The following DNAH12 variants were observed in gnomAD, a reference collection of about 807,000 sequenced individuals.
DNAH12 encodes the protein dynein axonemal heavy chain 12.
DNAH12 carries 285 observed loss-of-function variants against 371.5 expected under a neutral mutation model. The ratio of observed to expected loss-of-function variants is 0.77; its 90% CI spans 0.70 to 0.85. The LOEUF is 0.85. Ranked by LOEUF, DNAH12 falls within the 40% of genes least tolerant of loss-of-function variation. DNAH12 has a pLI of 0.00. For synonymous variants in DNAH12, 1,200 were observed against 1,213.0 expected, an observed-to-expected ratio of 0.99 and a Z score of 0.22; for missense variants, 3,611 against 3,689.4, an observed-to-expected ratio of 0.98 and a Z score of 0.55.
chr3:57,534,836 T>A (rs1559760176), intron 2 of DNAH12, among the ~76,000 whole-genome samples: 2 of 152,118 alleles, frequency 1.3e-5, no homozygotes, highest in Non-Finnish European at 2.9e-5. Context: ...AGAAACAAAT[T>A]TCTTATATTG....
At chr3:57,505,961 G>A (rs2067743690) in intron 8 of DNAH12, among the ~76,000 whole-genome samples, 1 of 151,496 alleles carries the variant, frequency 6.6e-6, no homozygotes. Context: ...TCCCAAGCTG[G>A]TCTTGAACTC....
At chr3:57,482,225 GA>G (rs1466336201) in intron 13 of DNAH12, among the ~76,000 whole-genome samples, 1 of 151,850 alleles carries the variant, frequency 6.6e-6, no homozygotes, top group African/African-American at 2.4e-5. Context: ...AAATTTACAA[GA>G]AAAAAACAAA....
chr3:57,401,579 A>AG (rs2063866780), intron 43 of DNAH12, among the ~76,000 whole-genome samples: 2 of 146,918 alleles, frequency 1.4e-5, no homozygotes, highest in African/African-American at 2.5e-5. Flanking sequence ...AAAAAAAAAA[A>AG]AAAGAAGAAG....
Position 57,486,381 on chromosome 3 carries a change from G to A in DNAH12, c.1515-2870C>T, listed in dbSNP as rs146930819. On this transcript the variant is annotated intron_variant, in intron 12 of 73. Transcript: ENST00000495027. The stretch of plus-strand genomic sequence containing the variant: ...GCCCAGGAGGTTGAAATCAGCCTAC[G>A]CAACATGGCAAAACCATGTCTCTAT... Among the ~76,000 whole-genome samples the A allele has an allele frequency of 4.0e-4, 61 of 151,992 alleles. 1 individual carries two copies. The highest frequency in any genetic ancestry group is 2.6e-3 in the Admixed American group (40 of 15,256).
chr3:57,394,211 G>C lies in DNAH12; in HGVS notation c.7070C>G (p.Pro2357Arg), dbSNP rs2063691287. 3 of 152,132 alleles carry C rather than the reference G, an allele frequency of 2.0e-5. No individual in the cohort carries two copies. The highest frequency in any genetic ancestry group is 7.2e-5 in the African/African-American group (3 of 41,414). The allele number at this position is 152,132 out of a possible 1,614,324, so 9.4% of individuals were successfully genotyped here. A position where few individuals can be genotyped will look rare whatever the true frequency, so the allele number is the denominator to read the frequency against. ...CTTCTCATCTGCTGCAAAAATGTTA[G>C]GCACTTCTCCTGTATTGAGCACACT... ...IDSVLNTGEV[P>R]NIFAADEKQE... The change falls in exon 44 of 74, where the codon CCT becomes CGT. Residue 2357 changes from proline to arginine, a missense_variant. By Grantham distance (103) the Pro-to-Arg change is moderately radical (BLOSUM62 -2). Coordinates refer to ENST00000495027, the MANE Select transcript of DNAH12 (RefSeq NM_001366028.2).
upstream of DNAH12, among the ~76,000 whole-genome samples, chr3:57,548,580 C>T (rs762457150): frequency 1.4e-4 from 22 of 152,094 alleles, no homozygotes; most frequent in Non-Finnish European, 2.8e-4. Context: ...GTGGTGTGCA[C>T]TTGTGGGCCC....
intron 35 of DNAH12, among the ~76,000 whole-genome samples, 196 bp from the exon 36 acceptor site, chr3:57,421,902 C>CTTTTTTTTTTATTTTT: frequency 1.0e-5 from 1 of 98,548 alleles, no homozygotes; most frequent in Non-Finnish European, 2.0e-5. Flanking sequence ...GTTTGCATGT[C>CTTTTTTTTTTATTTTT]TTTTTTTTTT....
intron 11 of DNAH12, among the ~76,000 whole-genome samples, chr3:57,494,090 G>A (rs111772739): frequency 6.6e-6 from 1 of 152,078 alleles, no homozygotes; most frequent in South Asian, 2.1e-4. Flanking sequence ...AAAATTAGCT[G>A]GGTGTGATGG....
At chr3:57,455,534 C>T (rs1331048158) in intron 22 of DNAH12, among the ~76,000 whole-genome samples, 1 of 152,050 alleles carries the variant, frequency 6.6e-6, no homozygotes, top group Non-Finnish European at 1.5e-5. Flanking sequence ...CATGCCACTG[C>T]ACTCCAGCCT....
intron 12 of DNAH12, among the ~76,000 whole-genome samples, chr3:57,485,341 T>C (rs888911176): frequency 3.9e-5 from 6 of 152,126 alleles, no homozygotes; most frequent in African/African-American, 7.2e-5. Context: ...GGAATACTAC[T>C]TAGCCATAAA....
At position 57,365,509 on chromosome 3, in the gene DNAH12, G is replaced by T. The variant is rs1213989327; in HGVS notation, c.9167+1220C>A. On this transcript the variant is annotated intron_variant, in intron 57 of 73. Transcript: ENST00000495027. ...AGGAAAAATAGCTAATGCATGCTGG[G>T]CTTAATACCTAGGTGATGGGTTGAT... Among the ~76,000 whole-genome samples the T allele has an allele frequency of 5.9e-5, 9 of 152,090 alleles. No individual in the cohort carries two copies. The South Asian group carries it at 1.9e-3, about 32-fold the overall frequency.
chr3:57,302,343 A>G (rs900257495), intron 69 of DNAH12, among the ~76,000 whole-genome samples: 1 of 151,608 alleles, frequency 6.6e-6, no homozygotes, highest in Admixed American at 6.6e-5. Context: ...CATAAATTGT[A>G]TATTCATTTA....
intron 32 of DNAH12, among the ~76,000 whole-genome samples, chr3:57,432,314 C>T (rs1575593115): frequency 1.3e-5 from 2 of 149,560 alleles, no homozygotes; most frequent in South Asian, 2.2e-4. Context: ...GGATTACAGG[C>T]GCGCGCCACC....
chr3:57,350,926 T>C (rs2062656473), intron 60 of DNAH12, among the ~76,000 whole-genome samples: 1 of 152,156 alleles, frequency 6.6e-6, no homozygotes, highest in South Asian at 2.1e-4. Flanking sequence ...CAAACCATGA[T>C]GCAATAATAT....
chr3:57,299,846 T>C (rs1047417275), intron 70 of DNAH12, among the ~76,000 whole-genome samples: 4 of 152,234 alleles, frequency 2.6e-5, no homozygotes, highest in Non-Finnish European at 5.9e-5. Context: ...ATTTTGCTTT[T>C]TTATAGCAGC....
At chr3:57,504,794 C>T (rs2153391858) in intron 8 of DNAH12, among the ~76,000 whole-genome samples, 1 of 152,220 alleles carries the variant, frequency 6.6e-6, no homozygotes, top group East Asian at 1.9e-4. Context: ...TTATGTTTTG[C>T]TGTAGTTACC....
At chr3:57,393,337 G>A (rs1165429098) in intron 44 of DNAH12, among the ~76,000 whole-genome samples, 4 of 152,046 alleles carry the variant, frequency 2.6e-5, no homozygotes, top group Admixed American at 2.0e-4. Context: ...TAGAAATGAG[G>A]TCTAAAGTGG....
intron 7 of DNAH12, 134 bp from the exon 8 acceptor site, chr3:57,507,972 A>T (rs1296858488): frequency 4.0e-6 from 3 of 751,694 alleles, no homozygotes; most frequent in Non-Finnish European, 6.1e-6. Context: ...GCAGATCACG[A>T]GGTCAGGAGT....
At chr3:57,482,928 G>A (rs1350014408) in intron 13 of DNAH12, among the ~76,000 whole-genome samples, 1 of 125,264 alleles carries the variant, frequency 8.0e-6, no homozygotes, top group Admixed American at 8.6e-5. Context: ...GTTGTGGGGT[G>A]GGGGGAGGGG....
Sources: allele counts gnomAD v4.1 joint callset (sites outside exome capture counted in the v4.1 genomes callset), GRCh38; gene constraint gnomAD v4.1.1; transcripts MANE v1.5; gene names NCBI Gene and HGNC (gene_info 2026-07-23, HGNC 2026-07-21).